ACE: variants seen among roughly 807,000 people sequenced by gnomAD.
The protein encoded by ACE is angiotensin I converting enzyme.
A neutral mutation model predicts 162.3 loss-of-function variants in ACE; 122 were observed. That is an observed-to-expected ratio of 0.75 (90% CI 0.65 to 0.87). The LOEUF is 0.87. ACE is among the 40% of genes least tolerant of loss of function. The probability of loss-of-function intolerance (pLI) is 0.00; values close to 1 mark genes in which losing one functional copy is unlikely to be tolerated. For synonymous variants in ACE, 796 were observed against 720.6 expected, an observed-to-expected ratio of 1.10 and a Z score of -1.68; for missense variants, 1,799 against 1,735.1, an observed-to-expected ratio of 1.04 and a Z score of -0.65.
At chr17:63,481,522 C>A in intron 6 of ACE, 44 bp from the exon 7 acceptor site, 1 of 1,609,214 alleles carries the variant, frequency 6.2e-7, no homozygotes. Context: ...CCCAGGCCAG[C>A]CAGAGTGGGC....
chr17:63,491,096 G>A lies in ACE; in HGVS notation c.2739+45G>A, dbSNP rs2030345365. On this transcript the variant is annotated intron_variant, in intron 18 of 24. Transcript: ENST00000290866. The surrounding 1 kb of genome is among the most constrained non-coding windows in gnomAD (Gnocchi z 4.4). The stretch of plus-strand genomic sequence containing the variant: ...CAGGGAGGCCCCGCCGGGATGGGAG[G>A]GACCCTCTGATTCAGGAGTTCCCTC... 2 of 1,612,028 alleles carry A rather than the reference G, an allele frequency of 1.2e-6. No homozygotes were observed. Among genetic ancestry groups the A allele is most frequent in the Admixed American group, 1.7e-5 (1 of 60,002 alleles).
rs922246398 is a variant in ACE at position 63,497,384 on chromosome 17, G to A, written c.*18G>A. Reference sequence around the variant, plus strand: ...ACTCCTGAGGTGACCCGGCTGGGTCGGCCCTGCCCAAGGGCCTCCCACCAG... The same window carrying A: ...ACTCCTGAGGTGACCCGGCTGGGTCAGCCCTGCCCAAGGGCCTCCCACCAG... On this transcript the variant is annotated 3_prime_UTR_variant, in exon 25 of 25. Transcript: ENST00000290866. 137 of 1,544,172 alleles carry A rather than the reference G, an allele frequency of 8.9e-5. No individual in the cohort carries two copies. The highest frequency in any genetic ancestry group is 1.9e-4 in the Middle Eastern group (1 of 5,180).
chr17:63,488,582 C>T (rs1204408105), intron 15 of ACE, 66 bp from the exon 16 acceptor site: 4 of 1,544,988 alleles, frequency 2.6e-6, no homozygotes, highest in African/African-American at 1.6e-5. Flanking sequence ...CTGAAATTCT[C>T]TGAGCTCCCC....
intron 13 of ACE, 57 bp from the exon 14 acceptor site, chr17:63,486,499 GC>G: frequency 6.2e-7 from 1 of 1,602,174 alleles, no homozygotes; most frequent in South Asian, 1.1e-5. Context: ...GGGGCCTCCC[GC>G]TCAGAGGCTG....
At chr17:63,477,416 G>T in intron 1 of ACE, 73 bp downstream of exon 1, 1 of 1,139,466 alleles carries the variant, frequency 8.8e-7, no homozygotes, top group South Asian at 4.4e-5. Context: ...CGGCTTGTGG[G>T]GCGGGCAGGC....
In ACE at chr17:63,488,703, G is replaced by A. The variant is rs775934699; in HGVS notation, c.2361G>A (p.Trp787Ter). ...AATATGAAGACCTGTTATGGGCATG[G>A]GAGGGCTGGCGAGACAAGGCGGGGA... is the stretch of plus-strand genomic sequence containing the variant. The part of the protein sequence containing the change: ...SRKYEDLLWA[W>*]EGWRDKAGRA... Residue 787 changes from tryptophan to a stop codon, truncating the protein, a stop_gained, in exon 16 of 25, where the codon TGG becomes TGA. Transcript: ENST00000290866. LOFTEE classifies it high-confidence loss of function. 1 of 1,613,620 alleles carries A rather than the reference G, an allele frequency of 6.2e-7. No homozygotes were observed. Among genetic ancestry groups the A allele is most frequent in the Admixed American group, 1.7e-5 (1 of 59,942 alleles).
chr17:63,479,863 G>T lies in ACE; in HGVS notation c.606G>T (p.Pro202=), dbSNP rs376526208. ...ACGCTGCGGGCATCCCGCTGAAACC[G>T]CTGTACGAGGATTTCACTGCCCTCA... ...WHNAAGIPLK[P]LYEDFTALSN... The change falls in exon 4 of 25, where the codon CCG becomes CCT. Residue 202 remains proline, a synonymous_variant. Transcript: ENST00000290866. 1.9e-6 allele frequency: 3 copies of T among 1,612,694 alleles called. No individual in the cohort carries two copies. The highest frequency in any genetic ancestry group is 2.5e-6 in the Non-Finnish European group (3 of 1,180,024).
At chr17:63,495,553 G>A (rs567355161) in intron 22 of ACE, among the ~76,000 whole-genome samples, 1 of 152,312 alleles carries the variant, frequency 6.6e-6, no homozygotes, top group African/African-American at 2.4e-5. Context: ...GGGCATCCCT[G>A]GAGCACCTCA....
chr17:63,497,606 G>A lies in ACE; in HGVS notation c.*240G>A, dbSNP rs949308965. On this transcript the variant is annotated 3_prime_UTR_variant, in exon 25 of 25. Transcript: ENST00000290866. Reference sequence around the variant, plus strand: ...AGTCTCTCTGTGAATACAATTAAAGGTCCTGCCCTCCCCATCTGAGTCTGT... The same window carrying A: ...AGTCTCTCTGTGAATACAATTAAAGATCCTGCCCTCCCCATCTGAGTCTGT... The A allele has an allele frequency of 1.4e-6, 1 of 695,338 alleles. No individual in the cohort carries two copies. The highest frequency in any genetic ancestry group is 1.8e-5 in the African/African-American group (1 of 57,122). 43.1% of individuals were successfully genotyped at this position (695,338 alleles called of 1,614,324 possible).
chr17:63,484,718 T>C lies in ACE; in HGVS notation c.1921+177T>C, dbSNP rs1366910076. The C allele has an allele frequency of 4.8e-6, 7 of 1,451,810 alleles. No homozygotes were observed. The highest frequency in any genetic ancestry group is 6.3e-6 in the Non-Finnish European group (7 of 1,106,198). 89.9% of individuals were successfully genotyped at this position (1,451,810 alleles called of 1,614,324 possible). A position where few individuals can be genotyped will look rare whatever the true frequency, so the allele number is the denominator to read the frequency against. On this transcript the variant is annotated intron_variant, in intron 12 of 24. Transcript: ENST00000290866. The surrounding 1 kb of genome is among the most constrained non-coding windows in gnomAD (Gnocchi z 4.0). ...CTGCGAGTGGGGACAGGCATGTCTT[T>C]CCCCCAGCATCCTAGAGAGGGTGTG...
chr17:63,483,230 C>T (rs1157139185), intron 9 of ACE, 57 bp downstream of exon 9: 1 of 1,611,498 alleles, frequency 6.2e-7, no homozygotes, highest in Non-Finnish European at 8.5e-7. Flanking sequence ...GCCTCCTGGA[C>T]AGCCAGGCGC....
At chr17:63,479,744 C>T (rs2049675658) in intron 3 of ACE, 25 bp from the exon 4 acceptor site, 1 of 1,612,576 alleles carries the variant, frequency 6.2e-7, no homozygotes, top group Non-Finnish European at 8.5e-7. Context: ...GGCCTCCTCA[C>T]CGACCCTGCC....
intron 15 of ACE, 41 bp from the exon 16 acceptor site, chr17:63,488,597 AAGCAGAGGTG>A: frequency 1.3e-6 from 2 of 1,588,266 alleles, no homozygotes; most frequent in South Asian, 2.2e-5. Context: ...CTCCCCTTAC[AAGCAGAGGTG>A]AGCTAAGGGC....
Position 63,493,613 on chromosome 17 carries a change from G to T in ACE, c.3090G>T (p.Lys1030Asn), listed in dbSNP as rs374679629. ...DVLALSVSTP[K>N]HLHSLNLLSS... ...TAGCCCTCTCAGTGTCTACGCCCAA[G>T]CACCTGCACAGTCTCAACCTGCTGA... The change falls in exon 20 of 25, where the codon AAG becomes AAT. Residue 1030 changes from lysine to asparagine, a missense_variant. Coordinates refer to ENST00000290866, the MANE Select transcript of ACE (RefSeq NM_000789.4). 26 of 1,613,978 alleles carry T rather than the reference G, an allele frequency of 1.6e-5. No individual in the cohort carries two copies. Among genetic ancestry groups the T allele is most frequent in the Non-Finnish European group, 2.2e-5 (26 of 1,179,974 alleles).
chr17:63,495,091 C>T (rs965028320), intron 22 of ACE, among the ~76,000 whole-genome samples: 1 of 152,192 alleles, frequency 6.6e-6, no homozygotes, highest in Non-Finnish European at 1.5e-5. Flanking sequence ...AACTTCTTAG[C>T]ATTCTGTCTC....
In ACE at chr17:63,497,993, G is replaced by A. The variant is rs570149070; in HGVS notation, c.*627G>A. ...TTCCGGCTGTTATCGGCTGCCTCAG[G>A]GGGCGAGTACCTTGGAGGGCCTGCT... is the stretch of plus-strand genomic sequence containing the variant. On this transcript the variant is annotated 3_prime_UTR_variant, in exon 25 of 25. Coordinates refer to ENST00000290866, the MANE Select transcript of ACE (RefSeq NM_000789.4). 9.0e-4 allele frequency: 177 copies of A among 196,592 alleles called. No individual in the cohort carries two copies. The highest frequency in any genetic ancestry group is 4.0e-3 in the African/African-American group (169 of 42,214). 12.2% of individuals were successfully genotyped at this position (196,592 alleles called of 1,614,324 possible). A position where few individuals can be genotyped will look rare whatever the true frequency, so the allele number is the denominator to read the frequency against.
intron 6 of ACE, 34 bp downstream of exon 6, chr17:63,481,222 G>C (rs777502534): frequency 9.8e-7 from 1 of 1,022,280 alleles, no homozygotes; most frequent in Non-Finnish European, 1.4e-6. Context: ...GGTGGTGGGG[G>C]TCGGGGGTGG....
rs906639396 is a variant in ACE at position 63,479,688 on chromosome 17, G to A, written c.512-81G>A. 28 of 1,575,680 alleles carry A rather than the reference G, an allele frequency of 1.8e-5. No homozygotes were observed. In the African/African-American group the frequency reaches 3.6e-4, roughly 20 times the overall value. Reference sequence around the variant, plus strand: ...TCAGGAAGCTGGTGGGAGCAGTAAGGACTGGTGCAGGCTCTGGTGAAGGCC... The same window carrying A: ...TCAGGAAGCTGGTGGGAGCAGTAAGAACTGGTGCAGGCTCTGGTGAAGGCC... On this transcript the variant is annotated intron_variant, in intron 3 of 24. Transcript: ENST00000290866.
chr17:63,495,764 C>T (rs2030689535), intron 22 of ACE, among the ~76,000 whole-genome samples: 1 of 152,222 alleles, frequency 6.6e-6, no homozygotes, highest in African/African-American at 2.4e-5. Flanking sequence ...TCTAGAAAAA[C>T]ATTCCGGATT....
Sources: gnomAD v4.1 joint callset for allele counts (sites outside exome capture counted in the v4.1 genomes callset) on GRCh38, gnomAD v4.1.1 for gene constraint, Gnocchi (gnomAD v3.1) non-coding constraint, MANE v1.5 for transcripts, NCBI Gene and HGNC (gene_info 2026-07-23, HGNC 2026-07-21) for gene names.